GALNS: variants seen among roughly 807,000 people sequenced by gnomAD.
GALNS encodes the protein N-acetylgalactosamine-6-sulfatase.
Under a neutral mutation model 65.9 loss-of-function variants are expected in GALNS, and 65 were observed. The observed-to-expected ratio is 0.99, with a 90% confidence interval of 0.81 to 1.21. The LOEUF is 1.21. Among genes scored for constraint, GALNS ranks in the 50% most tolerant of loss-of-function variants. The pLI is 0.00. For missense variants in GALNS, 776 were observed against 700.7 expected, an observed-to-expected ratio of 1.11 and a Z score of -1.21; for synonymous variants, 346 against 288.9, an observed-to-expected ratio of 1.20 and a Z score of -2.00.
chr16:88,853,449 A>C (rs1323617507), intron 1 of GALNS, among the ~76,000 whole-genome samples: 3 of 152,160 alleles, frequency 2.0e-5, no homozygotes. Context: ...AACGAGGGGC[A>C]CTGAGCAACC....
chr16:88,822,639 C>G lies in GALNS; in HGVS notation c.1314G>C (p.Leu438=), dbSNP rs1223135807. Residue 438 remains leucine, a synonymous_variant, in exon 12 of 14, where the codon CTG becomes CTC. Transcript: ENST00000268695. Reference sequence around the variant, plus strand: ...CCCGTCCCAGGTGGAAGATCAGGGGCAGCTTCGTGTGGTCTTCCAGATTGT... The same window carrying G: ...CCCGTCCCAGGTGGAAGATCAGGGGGAGCTTCGTGTGGTCTTCCAGATTGT... ...TTHNLEDHTK[L]PLIFHLGRDP... is the part of the protein sequence containing the mutation. The G allele has an allele frequency of 6.2e-7, 1 of 1,613,026 alleles. No individual in the cohort carries two copies. The highest frequency in any genetic ancestry group is 8.5e-7 in the Non-Finnish European group (1 of 1,179,888).
rs772871454 is a variant in GALNS at position 88,835,844 on chromosome 16, G to A, written c.639C>T (p.Ala213=). 1.2e-6 allele frequency: 2 copies of A among 1,614,056 alleles called. No homozygotes were observed. Among genetic ancestry groups the A allele is most frequent in the East Asian group, 2.2e-5 (1 of 44,888 alleles). ...GTGCCTGTCTCTTAATGAAGTCCAG[G>A]GCTTCCTATGGAGAGAGCCACACCG... ...ANLTQIYLQE[A]LDFIKRQARH... is the part of the protein sequence containing the mutation. The change falls in exon 7 of 14, where the codon GCC becomes GCT. Residue 213 remains alanine, a synonymous_variant. Transcript: ENST00000268695.
chr16:88,817,359 G>C, intron 13 of GALNS: 1 of 985,434 alleles, frequency 1.0e-6, no homozygotes, highest in Non-Finnish European at 1.2e-6. Context: ...TTTCTCTACT[G>C]GAGGTGAACA....
At chr16:88,837,553 A>C (rs1233256064) in intron 5 of GALNS, 69 bp downstream of exon 5, 3 of 1,504,308 alleles carry the variant, frequency 2.0e-6, no homozygotes, top group Non-Finnish European at 2.8e-6. Flanking sequence ...CCAGTGCTAG[A>C]GGCGGGGGGC....
In GALNS at chr16:88,856,824, G is replaced by A. The variant is rs1439793321; in HGVS notation, c.54C>T (p.Ser18=). The change falls in exon 1 of 14, where the codon AGC becomes AGT. Residue 18 remains serine, a synonymous_variant. Transcript: ENST00000268695. ...TRWWQLLLVL[S]AAGMGASGAP... ...CGCCCGAGGCCCCCATCCCCGCGGC[G>A]CTGAGCACCAGCAACAGCTGCCACC... 1.3e-6 allele frequency: 2 copies of A among 1,529,804 alleles called. No individual in the cohort carries two copies. The highest frequency in any genetic ancestry group is 1.7e-6 in the Non-Finnish European group (2 of 1,148,262). The allele number at this position is 1,529,804 out of a possible 1,614,324, so 94.8% of individuals were successfully genotyped here. A position where few individuals can be genotyped will look rare whatever the true frequency, so the allele number is the denominator to read the frequency against.
chr16:88,839,106 C>G (rs1012615342), intron 4 of GALNS, among the ~76,000 whole-genome samples: 3 of 152,066 alleles, frequency 2.0e-5, no homozygotes, highest in Non-Finnish European at 4.4e-5. Flanking sequence ...GACACTCGTG[C>G]GTCCACGTCC....
chr16:88,842,597 G>T, intron 2 of GALNS, 109 bp downstream of exon 2: 1 of 1,365,494 alleles, frequency 7.3e-7, no homozygotes, highest in Non-Finnish European at 1.0e-6. Context: ...TGCAGTAGTA[G>T]GAATAGACAA....
intron 11 of GALNS, among the ~76,000 whole-genome samples, chr16:88,824,386 CG>C (rs1423693051): frequency 6.6e-6 from 1 of 152,102 alleles, no homozygotes; most frequent in Non-Finnish European, 1.5e-5. Flanking sequence ...GCCAATGCTG[CG>C]GCCCCCATGT....
At chr16:88,833,838 G>C (rs1333741544) in intron 8 of GALNS, among the ~76,000 whole-genome samples, 1 of 152,192 alleles carries the variant, frequency 6.6e-6, no homozygotes, top group Non-Finnish European at 1.5e-5. Flanking sequence ...TTACAAATAG[G>C]TACATATACC....
chr16:88,841,448 C>T (rs1597580947), intron 3 of GALNS, among the ~76,000 whole-genome samples: 1 of 152,194 alleles, frequency 6.6e-6, no homozygotes, highest in Non-Finnish European at 1.5e-5. Flanking sequence ...TGATGCTGCA[C>T]TGCCCCACCC....
chr16:88,836,181 G>T lies in GALNS; in HGVS notation c.633+20C>A. On this transcript the variant is annotated intron_variant, in intron 6 of 13. Coordinates refer to ENST00000268695, the MANE Select transcript of GALNS (RefSeq NM_000512.5). The stretch of plus-strand genomic sequence containing the variant: ...GTCCCCATGCGTCCCACAGGGCGAG[G>T]ATGGTGCGGTCCCCATCACCTGCAG... 1 of 1,611,282 alleles carries T rather than the reference G, an allele frequency of 6.2e-7. No individual in the cohort carries two copies. Among genetic ancestry groups the T allele is most frequent in the South Asian group, 1.1e-5 (1 of 90,984 alleles).
intron 2 of GALNS, 43 bp from the exon 3 acceptor site, chr16:88,842,014 T>C (rs1426913264): frequency 6.4e-7 from 1 of 1,562,672 alleles, no homozygotes; most frequent in East Asian, 2.3e-5. Flanking sequence ...AAGAAGGGTG[T>C]GGCTCAGACC....
intron 1 of GALNS, chr16:88,844,728 A>C (rs1046886927): frequency 6.6e-6 from 1 of 152,308 alleles, no homozygotes; most frequent in Non-Finnish European, 1.5e-5. Flanking sequence ...CACCACGTTC[A>C]CAGGCCCAGC....
chr16:88,835,694 G>T (rs1214627897), intron 7 of GALNS, 31 bp downstream of exon 7: 1 of 1,613,368 alleles, frequency 6.2e-7, no homozygotes, highest in East Asian at 2.2e-5. Flanking sequence ...GGCCTCCAGC[G>T]AGGTCTATGC....
chr16:88,841,200 C>T (rs1966952812), intron 3 of GALNS, 106 bp from the exon 4 acceptor site: 1 of 870,338 alleles, frequency 1.1e-6, no homozygotes, highest in Non-Finnish European at 1.9e-6. Context: ...TAACAGGACA[C>T]TGGCCCCTCG....
intron 4 of GALNS, chr16:88,838,008 G>A (rs1008439180): frequency 2.3e-5 from 12 of 524,230 alleles, no homozygotes; most frequent in African/African-American, 9.6e-5. Context: ...GCATGGCGGC[G>A]GCCGGGGTTC....
intron 1 of GALNS, 193 bp downstream of exon 1, chr16:88,856,565 C>A (rs1374095310): frequency 6.1e-5 from 39 of 639,882 alleles, no homozygotes; most frequent in South Asian, 3.2e-4. Flanking sequence ...GGGCCTCCCC[C>A]TCCCCGCACG....
chr16:88,855,977 A>G, intron 1 of GALNS: 1 of 588,808 alleles, frequency 1.7e-6, no homozygotes, highest in South Asian at 2.0e-5. Flanking sequence ...GCTGAGGTTC[A>G]AGAATGGAAG....
intron 1 of GALNS, among the ~76,000 whole-genome samples, chr16:88,854,384 G>A (rs906963611): frequency 7.2e-5 from 11 of 152,224 alleles, no homozygotes; most frequent in African/African-American, 1.9e-4. Flanking sequence ...AGGGCACCTC[G>A]GGGCTCCACT....
Sources: allele counts gnomAD v4.1 joint callset (sites outside exome capture counted in the v4.1 genomes callset), GRCh38; gene constraint gnomAD v4.1.1; transcripts MANE v1.5; gene names NCBI Gene and HGNC (gene_info 2026-07-23, HGNC 2026-07-21).